SH2B2: variants seen among roughly 807,000 people sequenced by gnomAD.
SH2B2 encodes the protein SH2B adaptor protein 2.
SH2B2 carries 37 observed loss-of-function variants against 35.7 expected under a neutral mutation model. That is an observed-to-expected ratio of 1.04 (90% CI 0.80 to 1.36). SH2B2 has a LOEUF of 1.36. SH2B2 is among the 40% of genes most tolerant of loss of function. The pLI is 0.00. For missense variants in SH2B2, 852 were observed against 817.7 expected, an observed-to-expected ratio of 1.04 and a Z score of -0.51; for synonymous variants, 383 against 376.4, an observed-to-expected ratio of 1.02 and a Z score of -0.20.
At chr7:102,307,155 G>GCCA (rs1366236173) in intron 3 of SH2B2, among the ~76,000 whole-genome samples, 2 of 152,252 alleles carry the variant, frequency 1.3e-5, no homozygotes, top group Non-Finnish European at 2.9e-5. Flanking sequence ...CTCGCTGGTG[G>GCCA]CCAGCCGGCA....
intron 6 of SH2B2, among the ~76,000 whole-genome samples, 186 bp downstream of exon 6, chr7:102,314,868 C>T (rs1248133954): frequency 2.6e-5 from 4 of 152,342 alleles, no homozygotes; most frequent in South Asian, 2.1e-4. Context: ...AACCTGGCCC[C>T]TCCCACTGGA....
In SH2B2 at chr7:102,317,333, C is replaced by T. The variant is rs13244392; in HGVS notation, c.1333C>T (p.Arg445Cys). The T allele has an allele frequency of 6.8e-6, 11 of 1,611,866 alleles. No individual in the cohort carries two copies. In the East Asian group the frequency reaches 8.9e-5, roughly 13 times the overall value. ...GPRNHGLFVI[R>C]QSETRPGEYV... Reference sequence around the variant, plus strand: ...CCGGAACCACGGCCTCTTCGTGATCCGCCAAAGTGAGACTCGGCCTGGGGA... The same window carrying T: ...CCGGAACCACGGCCTCTTCGTGATCTGCCAAAGTGAGACTCGGCCTGGGGA... The change falls in exon 7 of 9, where the codon CGC (arginine) becomes TGC (cysteine). Residue 445 changes from arginine to cysteine, a missense_variant. This residue lies in a region of SH2B2 where 556 missense variants were observed against 514.5 expected (regional missense o/e 1.08). Transcript: ENST00000444095.
intron 1 of SH2B2, 135 bp from the exon 2 acceptor site, chr7:102,300,387 T>TC: frequency 8.8e-7 from 1 of 1,140,468 alleles, no homozygotes. Context: ...CCTGCTGTAG[T>TC]CCCACAACAC....
intron 2 of SH2B2, among the ~76,000 whole-genome samples, chr7:102,301,653 C>T (rs1793203287): frequency 6.6e-6 from 1 of 151,836 alleles, no homozygotes. Context: ...CTCACTGCAA[C>T]CTGTGCCTCC....
chr7:102,304,261 C>G (rs1461169675), intron 2 of SH2B2, among the ~76,000 whole-genome samples: 1 of 152,172 alleles, frequency 6.6e-6, no homozygotes, highest in Non-Finnish European at 1.5e-5. Context: ...ATTTCCCTCT[C>G]ACACAGCCTT....
chr7:102,314,533 C>CA lies in SH2B2; in HGVS notation c.1038dup (p.Glu347ArgfsTer45). ...CCAGCAGTCGACCTGCCCCGCCCCCCAGAGACGACAGCCGTGGGTGCAGTG... is the reference window on the plus strand; with the variant it reads ...CCAGCAGTCGACCTGCCCCGCCCCCCAAGAGACGACAGCCGTGGGTGCAGTG... On this transcript the variant is annotated frameshift_variant, in exon 6 of 9. Coordinates refer to ENST00000444095, the MANE Select transcript of SH2B2 (RefSeq NM_001359228.2). LOFTEE classifies it high-confidence loss of function. 1 of 398,802 alleles carries CA rather than the reference C, an allele frequency of 2.5e-6. No homozygotes were observed. Among genetic ancestry groups the CA allele is most frequent in the Non-Finnish European group, 4.4e-6 (1 of 226,228 alleles). 24.7% of individuals were successfully genotyped at this position (398,802 alleles called of 1,614,324 possible).
chr7:102,308,931 T>G, intron 4 of SH2B2, 25 bp downstream of exon 4: 1 of 1,582,212 alleles, frequency 6.3e-7, no homozygotes. Context: ...GGCCCGAAGA[T>G]GGGTGGACAG....
intron 1 of SH2B2, among the ~76,000 whole-genome samples, chr7:102,292,712 A>G (rs938035890): frequency 8.6e-5 from 13 of 152,046 alleles, no homozygotes; most frequent in East Asian, 1.9e-4. Flanking sequence ...CTAAAAAGAA[A>G]AGGCCTCAGT....
At chr7:102,305,898 T>C (rs576416789) in intron 2 of SH2B2, among the ~76,000 whole-genome samples, 155 of 144,486 alleles carry the variant, frequency 1.1e-3, no homozygotes, top group African/African-American at 3.6e-3. Context: ...TTTTTCTTTT[T>C]TTTTTTTTTT....
chr7:102,304,937 CCTGGAGACAGCG>C (rs1448599228), intron 2 of SH2B2, among the ~76,000 whole-genome samples: 108 of 152,336 alleles, frequency 7.1e-4, no homozygotes, highest in African/African-American at 2.5e-3. Context: ...AAGTTCCTGT[CCTGGAGACAGCG>C]CTGCTGGGAA....
At chr7:102,290,246 T>C (rs1363207029) in intron 1 of SH2B2, among the ~76,000 whole-genome samples, 1 of 151,412 alleles carries the variant, frequency 6.6e-6, no homozygotes, top group African/African-American at 2.4e-5. Context: ...CCCCCCTTTT[T>C]TTTTTTTATT....
At chr7:102,287,936 C>G (rs1010626545) in intron 1 of SH2B2, among the ~76,000 whole-genome samples, 1 of 152,198 alleles carries the variant, frequency 6.6e-6, no homozygotes, top group East Asian at 1.9e-4. Flanking sequence ...CCAGGATCTA[C>G]GTGCACTTCG....
chr7:102,301,426 T>C, intron 2 of SH2B2, 147 bp downstream of exon 2: 1 of 1,017,318 alleles, frequency 9.8e-7, no homozygotes, highest in Admixed American at 3.4e-5. Flanking sequence ...CCCTGGGAGG[T>C]GGGCCTGTCA....
At chr7:102,321,268 C>G (rs910786231) in intron 8 of SH2B2, 31 bp from the exon 9 acceptor site, 52 of 1,347,788 alleles carry the variant, frequency 3.9e-5, no homozygotes, top group Non-Finnish European at 4.8e-5. Flanking sequence ...GCCCAGGTCC[C>G]CACTCACGCC....
At chr7:102,307,351 C>T (rs899857471) in intron 3 of SH2B2, among the ~76,000 whole-genome samples, 1 of 152,202 alleles carries the variant, frequency 6.6e-6, no homozygotes, top group Non-Finnish European at 1.5e-5. Context: ...GACACGGCTC[C>T]AGGCTGCCAG....
At position 102,297,099 on chromosome 7, in the gene SH2B2, C is replaced by T. The variant is rs1554552605; in HGVS notation, c.-29-3423C>T. 6.6e-6 allele frequency among the ~76,000 whole-genome samples: 1 copy of T among 152,146 alleles called. No homozygotes were observed. The highest frequency in any genetic ancestry group is 6.5e-5 in the Admixed American group (1 of 15,274). On this transcript the variant is annotated intron_variant, in intron 1 of 8. Transcript: ENST00000444095. This position sits in a 1 kb window ranked among gnomAD's most constrained non-coding sequence, Gnocchi z 4.3. ...TTAAATAGAAAATCCCAGAAGTAAA[C>T]ATACAAATACAAATGTAAATTGCAG... is the stretch of plus-strand genomic sequence containing the variant.
At chr7:102,301,758 A>C (rs1200565281) in intron 2 of SH2B2, among the ~76,000 whole-genome samples, 1 of 151,812 alleles carries the variant, frequency 6.6e-6, no homozygotes, top group Non-Finnish European at 1.5e-5. Flanking sequence ...TTTTAAGGAG[A>C]GACAGGGTTT....
chr7:102,298,697 G>A (rs1554552939), intron 1 of SH2B2, among the ~76,000 whole-genome samples: 1 of 152,040 alleles, frequency 6.6e-6, no homozygotes, highest in African/African-American at 2.4e-5. Flanking sequence ...GTCCTGAATA[G>A]CTGAGACTAC....
chr7:102,306,324 G>A (rs1477474064), intron 2 of SH2B2, among the ~76,000 whole-genome samples: 2 of 141,444 alleles, frequency 1.4e-5, no homozygotes, highest in Non-Finnish European at 3.2e-5. Context: ...CCCGACTTCA[G>A]GTGATCCGCC....
Sources: gnomAD v4.1 joint callset for allele counts (sites outside exome capture counted in the v4.1 genomes callset) on GRCh38, gnomAD v4.1.1 for gene constraint, gnomAD v4.1.1 regional missense constraint, Gnocchi (gnomAD v3.1) non-coding constraint, MANE v1.5 for transcripts, NCBI Gene and HGNC (gene_info 2026-07-23, HGNC 2026-07-21) for gene names.